The following CSTPP1 variants were observed in gnomAD, a reference collection of about 807,000 sequenced individuals.
CSTPP1 encodes centriolar satellite-associated tubulin polyglutamylase complex regulator 1, also known as UPF0705 protein C11orf49.
At chr11:47,045,451 A>C in the CSTPP1 span, among the ~76,000 whole-genome samples, 1 of 152,186 alleles carries the variant, frequency 6.6e-6, no homozygotes, top group Non-Finnish European at 1.5e-5. Context: ...CTTAGTGTGA[A>C]TACTTATATG....
chr11:47,164,015 TGCTGAGGTTGCTCGCTC>T, the CSTPP1 span: 3 of 1,499,790 alleles, frequency 2.0e-6, no homozygotes, highest in African/African-American at 4.2e-5. Context: ...GGGGCAGGAC[TGCTGAGGTTGCTCGCTC>T]GCCCTCAGCC....
the CSTPP1 span, among the ~76,000 whole-genome samples, chr11:47,107,080 A>G: frequency 1.3e-5 from 2 of 152,274 alleles, no homozygotes; most frequent in African/African-American, 4.8e-5. Context: ...ATGCAGGGGA[A>G]GGAGGGGCTG....
At chr11:47,026,619 T>G in the CSTPP1 span, among the ~76,000 whole-genome samples, 6 of 152,322 alleles carry the variant, frequency 3.9e-5, no homozygotes, top group African/African-American at 1.4e-4. Context: ...GGCTCATGCC[T>G]GTAATCCCAG....
At chr11:47,086,456 A>G in the CSTPP1 span, among the ~76,000 whole-genome samples, 1 of 151,730 alleles carries the variant, frequency 6.6e-6, no homozygotes, top group East Asian at 1.9e-4. Flanking sequence ...TGGGATCACC[A>G]TAAGCTTACC....
chr11:47,073,499 A>G, the CSTPP1 span, among the ~76,000 whole-genome samples: 1 of 152,122 alleles, frequency 6.6e-6, no homozygotes, highest in Non-Finnish European at 1.5e-5. Context: ...TTCAAAACCA[A>G]CTTGAGCAAC....
At chr11:47,023,571 A>T in the CSTPP1 span, among the ~76,000 whole-genome samples, 1 of 152,028 alleles carries the variant, frequency 6.6e-6, no homozygotes, top group African/African-American at 2.4e-5. Flanking sequence ...CCTAAACTAA[A>T]ACTCTGTACT....
the CSTPP1 span, among the ~76,000 whole-genome samples, chr11:47,028,254 TTTC>T: frequency 6.6e-6 from 1 of 152,214 alleles, no homozygotes; most frequent in Non-Finnish European, 1.5e-5. Context: ...TTTACAATTA[TTTC>T]TTTGTAGCCA....
the CSTPP1 span, among the ~76,000 whole-genome samples, chr11:47,117,877 C>CTTTTT: frequency 1.4e-3 from 94 of 66,274 alleles, no homozygotes; most frequent in African/African-American, 2.2e-3. Context: ...TATTTCTTTT[C>CTTTTT]TTTTTTTTTT....
At chr11:46,950,187 T>A in the CSTPP1 span, among the ~76,000 whole-genome samples, 1 of 151,242 alleles carries the variant, frequency 6.6e-6, no homozygotes, top group East Asian at 1.9e-4. Flanking sequence ...TTTTTTTTTT[T>A]TTTTGAGATG....
chr11:47,064,285 T>TA, the CSTPP1 span, among the ~76,000 whole-genome samples: 1 of 152,286 alleles, frequency 6.6e-6, no homozygotes. Flanking sequence ...ACTTTTTTTT[T>TA]ATCATATCCT....
chr11:46,974,835 A>G, the CSTPP1 span, among the ~76,000 whole-genome samples: 60 of 150,242 alleles, frequency 4.0e-4, 3 homozygotes, highest in African/African-American at 1.4e-3. Flanking sequence ...AGTCTGGGTG[A>G]CAGAGTGAGA....
chr11:47,152,539 G>GCCTT, the CSTPP1 span, among the ~76,000 whole-genome samples: 927 of 152,336 alleles, frequency 6.1e-3, 5 homozygotes, highest in Admixed American at 0.01. Flanking sequence ...GGCAGGGGTA[G>GCCTT]CCCTTTGGGA....
chr11:46,942,480 G>A, the CSTPP1 span, among the ~76,000 whole-genome samples: 3 of 152,190 alleles, frequency 2.0e-5, no homozygotes, highest in African/African-American at 4.8e-5. Flanking sequence ...TTGGTGAGGT[G>A]CATGCTTTCA....
At chr11:46,991,325 A>G in the CSTPP1 span, among the ~76,000 whole-genome samples, 1 of 152,006 alleles carries the variant, frequency 6.6e-6, no homozygotes, top group East Asian at 1.9e-4. Flanking sequence ...GCTGAACTCT[A>G]AAGTTCTTTT....
chr11:47,020,416 C>T, the CSTPP1 span, among the ~76,000 whole-genome samples: 2 of 151,812 alleles, frequency 1.3e-5, no homozygotes, highest in African/African-American at 4.8e-5. Flanking sequence ...ATATTTAAAC[C>T]CTTTAATTTG....
the CSTPP1 span, among the ~76,000 whole-genome samples, chr11:47,117,840 T>C: frequency 1.3e-5 from 2 of 151,912 alleles, no homozygotes; most frequent in African/African-American, 4.8e-5. Context: ...TTTTTAGTCT[T>C]TTTTCTCTAA....
At chr11:46,937,691 C>T in the CSTPP1 span, among the ~76,000 whole-genome samples, 15 of 152,140 alleles carry the variant, frequency 9.9e-5, no homozygotes, top group African/African-American at 3.4e-4. Context: ...GCGCCCGCCA[C>T]CTCGCCCGGC....
chr11:47,097,386 C>T, the CSTPP1 span, among the ~76,000 whole-genome samples: 1 of 97,940 alleles, frequency 1.0e-5, no homozygotes, highest in Non-Finnish European at 2.1e-5. Flanking sequence ...CGCCTCTGCC[C>T]GGCCGCCCCT....
At chr11:47,121,647 G>A in the CSTPP1 span, among the ~76,000 whole-genome samples, 1 of 152,068 alleles carries the variant, frequency 6.6e-6, no homozygotes, top group African/African-American at 2.4e-5. Flanking sequence ...TAAGTAGCTT[G>A]TTCAAGTGAG....
Sources: allele counts gnomAD v4.1 joint callset (sites outside exome capture counted in the v4.1 genomes callset), GRCh38; gene constraint gnomAD v4.1.1; transcripts MANE v1.5; gene names NCBI Gene and HGNC (gene_info 2026-07-23, HGNC 2026-07-21).